DLGAP2: variants seen among roughly 807,000 people sequenced by gnomAD.
DLGAP2 encodes the protein DLG associated protein 2.
Under a neutral mutation model 100.3 loss-of-function variants are expected in DLGAP2, and 26 were observed. The ratio of observed to expected loss-of-function variants is 0.26; its 90% CI spans 0.19 to 0.36. The LOEUF is 0.36. DLGAP2 is among the 10% of genes least tolerant of loss of function. The probability of loss-of-function intolerance (pLI) is 1.00; values close to 1 mark genes in which losing one functional copy is unlikely to be tolerated. For synonymous variants in DLGAP2, 886 were observed against 630.1 expected (o/e 1.41, Z -6.08); for missense variants, 1,858 against 1,453.2 (o/e 1.28, Z -4.53).
chr8:1,256,736 C>T (rs558068531), intron 2 of DLGAP2, among the ~76,000 whole-genome samples: 1 of 152,314 alleles, frequency 6.6e-6, no homozygotes, highest in African/African-American at 2.4e-5. Flanking sequence ...CTTCTCCCCA[C>T]TTTCTGCAGA....
intron 2 of DLGAP2, among the ~76,000 whole-genome samples, chr8:1,202,879 C>A (rs926369334): frequency 1.3e-5 from 2 of 152,330 alleles, no homozygotes; most frequent in African/African-American, 4.8e-5. Context: ...TCAGCCGCTG[C>A]CCACCGACCA....
chr8:1,603,032 G>A (rs1232903536), intron 6 of DLGAP2, among the ~76,000 whole-genome samples: 1 of 152,296 alleles, frequency 6.6e-6, no homozygotes, highest in South Asian at 2.1e-4. Context: ...TGGTTAGAGC[G>A]GAGGCTGGGT....
intron 6 of DLGAP2, among the ~76,000 whole-genome samples, chr8:1,589,411 C>G (rs1394167301): frequency 6.6e-6 from 1 of 152,132 alleles, no homozygotes; most frequent in East Asian, 1.9e-4. Flanking sequence ...GAAACTTATT[C>G]CTTGCATGTT....
intron 2 of DLGAP2, among the ~76,000 whole-genome samples, chr8:1,159,446 G>A (rs761887427): frequency 8.5e-5 from 13 of 152,158 alleles, no homozygotes; most frequent in African/African-American, 1.2e-4. Flanking sequence ...ATCGTATGTC[G>A]ACAATTAATA....
chr8:1,345,251 G>A (rs1317395915), intron 3 of DLGAP2, among the ~76,000 whole-genome samples: 1 of 151,804 alleles, frequency 6.6e-6, no homozygotes, highest in Non-Finnish European at 1.5e-5. Flanking sequence ...TTCCTTCAGG[G>A]CAGAGTGTGC....
rs554054382 is a variant in DLGAP2 at position 1,235,736 on chromosome 8, C to G, written c.74-23115C>G. Reference sequence around the variant, plus strand: ...CCGTATCTAGTTCTCTCACATGGTGCCATATCTAGTTCTCTCTCACGCATA... The same window carrying G: ...CCGTATCTAGTTCTCTCACATGGTGGCATATCTAGTTCTCTCTCACGCATA... On this transcript the variant is annotated intron_variant, in intron 2 of 14. Coordinates refer to ENST00000637795, the MANE Select transcript of DLGAP2 (RefSeq NM_001346810.2). Among the ~76,000 whole-genome samples the G allele has an allele frequency of 1.4e-3, 31 of 21,760 alleles. 11 individuals are homozygous for G. Among genetic ancestry groups the G allele is most frequent in the African/African-American group, 8.1e-3 (27 of 3,344 alleles). 14.3% of individuals were successfully genotyped at this position (21,760 alleles called of 152,430 possible).
At chr8:1,055,677 T>A (rs1256883319) in intron 2 of DLGAP2, among the ~76,000 whole-genome samples, 6 of 152,134 alleles carry the variant, frequency 3.9e-5, no homozygotes, top group Non-Finnish European at 7.3e-5. Flanking sequence ...GTCTTCCAGC[T>A]CCTCCACAAA....
chr8:772,075 A>G (rs1377707594), intron 1 of DLGAP2, among the ~76,000 whole-genome samples: 1 of 151,518 alleles, frequency 6.6e-6, no homozygotes, highest in African/African-American at 2.4e-5. Flanking sequence ...CTAATTTTCT[A>G]TTTTTTGTAG....
intron 3 of DLGAP2, among the ~76,000 whole-genome samples, chr8:1,463,514 C>T (rs1426409995): frequency 2.0e-5 from 3 of 152,226 alleles, no homozygotes; most frequent in African/African-American, 7.2e-5. Flanking sequence ...ATGGTTGGCT[C>T]AGGGTCCTGT....
chr8:1,673,644 G>C (rs1443895476), intron 10 of DLGAP2, among the ~76,000 whole-genome samples: 1 of 152,230 alleles, frequency 6.6e-6, no homozygotes, highest in Non-Finnish European at 1.5e-5. Context: ...TGCTGTGGAC[G>C]AACCTACTTG....
In DLGAP2 at chr8:1,184,626, C is replaced by T. The variant is rs918764405; in HGVS notation, c.74-74225C>T. On this transcript the variant is annotated intron_variant, in intron 2 of 14. Transcript: ENST00000637795. ...TCCCAGGCAGATGCCGAGCCTGGGG[C>T]TGGAGTGCAAGGTCGTTTTCAGCAG... 7.9e-5 allele frequency among the ~76,000 whole-genome samples: 12 copies of T among 152,272 alleles called. 1 individual carries two copies. The South Asian group carries it at 2.1e-3, about 26-fold the overall frequency.
At chr8:1,243,427 C>G (rs985001512) in intron 2 of DLGAP2, among the ~76,000 whole-genome samples, 1 of 152,194 alleles carries the variant, frequency 6.6e-6, no homozygotes, top group African/African-American at 2.4e-5. Flanking sequence ...TGGCCTGCAC[C>G]CTCTGTCATC....
rs111350415 is a variant in DLGAP2 at position 1,005,332 on chromosome 8, C to T, written c.73+97366C>T. Among the ~76,000 whole-genome samples the T allele has an allele frequency of 4.9e-3, 744 of 151,984 alleles. 6 individuals carry two copies. Among genetic ancestry groups the T allele is most frequent in the African/African-American group, 0.017 (703 of 41,436 alleles). On this transcript the variant is annotated intron_variant, in intron 2 of 14. Coordinates refer to ENST00000637795, the MANE Select transcript of DLGAP2 (RefSeq NM_001346810.2). ...CAGAGAATGTCATAGAAAAGGGAGC[C>T]GCGTCCTTAGCAAGGCAGCCCGTCA...
chr8:855,853 A>G (rs1250081195), intron 1 of DLGAP2, among the ~76,000 whole-genome samples: 1 of 152,206 alleles, frequency 6.6e-6, no homozygotes, highest in Non-Finnish European at 1.5e-5. Flanking sequence ...ATCCAATCCC[A>G]TTAATGATAA....
At chr8:1,420,082 T>G (rs1797046302) in intron 3 of DLGAP2, among the ~76,000 whole-genome samples, 1 of 152,208 alleles carries the variant, frequency 6.6e-6, no homozygotes, top group South Asian at 2.1e-4. Flanking sequence ...CTGATCCAGC[T>G]AACCTTCAGT....
intron 4 of DLGAP2, among the ~76,000 whole-genome samples, chr8:1,545,476 C>A (rs528190961): frequency 6.6e-5 from 10 of 152,112 alleles, no homozygotes; most frequent in Admixed American, 6.6e-4. Context: ...CTCTCAATGA[C>A]AAAAATGGTG....
chr8:1,476,460 C>A (rs924181227), intron 3 of DLGAP2, among the ~76,000 whole-genome samples: 2 of 152,148 alleles, frequency 1.3e-5, no homozygotes, highest in Non-Finnish European at 2.9e-5. Context: ...TTTTATAGTT[C>A]GGCTGAGCGC....
chr8:1,548,974 A>C lies in DLGAP2; in HGVS notation c.521A>C (p.Asp174Ala). 6.3e-7 allele frequency: 1 copy of C among 1,599,142 alleles called. No homozygotes were observed. Among genetic ancestry groups the C allele is most frequent in the South Asian group, 1.1e-5 (1 of 90,904 alleles). ...TACAGCTCGCACTACGACACGCGCGACGACTGCGCTGTGGCCCACGCGGGC... is the reference window on the plus strand; with the variant it reads ...TACAGCTCGCACTACGACACGCGCGCCGACTGCGCTGTGGCCCACGCGGGC... ...MHYSSHYDTRDDCAVAHAGAK... is the reference protein window; with the variant it reads ...MHYSSHYDTRADCAVAHAGAK... Residue 174 changes from aspartate to alanine, a missense_variant, in exon 5 of 15, where the codon GAC (aspartate) becomes GCC (alanine). Physicochemically the swap from Asp to Ala is moderately radical, Grantham distance 126. Transcript: ENST00000637795.
At chr8:1,229,149 C>G (rs1177006730) in intron 2 of DLGAP2, among the ~76,000 whole-genome samples, 1 of 151,874 alleles carries the variant, frequency 6.6e-6, no homozygotes. Context: ...ACAAAAATGA[C>G]CAAGATGTTA....
Sources: gnomAD v4.1 joint callset for allele counts (sites outside exome capture counted in the v4.1 genomes callset) on GRCh38, gnomAD v4.1.1 for gene constraint, MANE v1.5 for transcripts, NCBI Gene and HGNC (gene_info 2026-07-23, HGNC 2026-07-21) for gene names.